Variants in TMEM245 observed in about 807,000 individuals in gnomAD.
The protein encoded by TMEM245 is protein CG-2.
Under a neutral mutation model 101.2 loss-of-function variants are expected in TMEM245, and 69 were observed. The observed-to-expected ratio is 0.68, with a 90% CI of 0.56 to 0.83. The LOEUF is 0.83. Ranked by LOEUF, TMEM245 falls within the 40% of genes least tolerant of loss-of-function variation. The pLI is 0.00. For synonymous variants in TMEM245, 537 were observed against 449.8 expected (o/e 1.19, Z -2.45); for missense variants, 1,075 against 1,092.8 (o/e 0.98, Z 0.23).
intron 3 of TMEM245, among the ~76,000 whole-genome samples, chr9:109,103,812 G>A (rs572433009): frequency 6.6e-5 from 10 of 152,284 alleles, no homozygotes; most frequent in African/African-American, 1.7e-4. Flanking sequence ...TGGACAGGGC[G>A]TGGTGGCTCA....
chr9:109,085,948 G>A, intron 7 of TMEM245, 49 bp downstream of exon 7: 1 of 1,591,328 alleles, frequency 6.3e-7, no homozygotes, highest in South Asian at 1.1e-5. Context: ...GCGATACAGG[G>A]GCATTACGGA....
intron 1 of TMEM245, among the ~76,000 whole-genome samples, chr9:109,110,394 G>A (rs1830537589): frequency 6.6e-6 from 1 of 152,116 alleles, no homozygotes; most frequent in South Asian, 2.1e-4. Flanking sequence ...CAAGGCCACA[G>A]CCAATAAATG....
At chr9:109,048,196 T>C (rs769528523) in intron 14 of TMEM245, among the ~76,000 whole-genome samples, 15 of 152,164 alleles carry the variant, frequency 9.9e-5, no homozygotes, top group Admixed American at 2.6e-4. Flanking sequence ...GCATTTTTTT[T>C]AATCCCACTT....
chr9:109,119,392 C>T lies in TMEM245; in HGVS notation c.522G>A (p.Leu174=). ...AGATGAGCGTGGCAGCGTGCACCAG[C>T]AGCACCTGCACGCCCAAGTAGCTGC... ...CLGSYLGVQV[L]LVHAATLICR... Residue 174 remains leucine, a synonymous_variant, in exon 1 of 18, where the codon CTG becomes CTA. Coordinates refer to ENST00000374586, the MANE Select transcript of TMEM245 (RefSeq NM_032012.4). 6.5e-7 allele frequency: 1 copy of T among 1,528,902 alleles called. No homozygotes were observed. The highest frequency in any genetic ancestry group is 2.2e-4 in the Middle Eastern group (1 of 4,596). The allele number at this position is 1,528,902 out of a possible 1,614,324, so 94.7% of individuals were successfully genotyped here.
chr9:109,114,555 T>TCA, intron 1 of TMEM245, among the ~76,000 whole-genome samples: 1 of 152,316 alleles, frequency 6.6e-6, no homozygotes, highest in Middle Eastern at 3.4e-3. Context: ...GTTTAGAACT[T>TCA]CAGGTGTTTT....
At position 109,091,083 on chromosome 9, in the gene TMEM245, G is replaced by C; in HGVS notation, c.989C>G (p.Ser330Cys). Reference protein sequence around the residue: ...SPSPSSPSPTSPSPTLGRRRP... With the variant: ...SPSPSSPSPTCPSPTLGRRRP... ...TCGTCTGCCCAGAGTAGGTGAAGGG[G>C]AAGTGGGTGAAGGGGAGGAGGGTGA... The change falls in exon 5 of 18, where the codon TCC (serine) becomes TGC (cysteine). Residue 330 changes from serine to cysteine, a missense_variant. Transcript: ENST00000374586. 6.2e-7 allele frequency: 1 copy of C among 1,614,134 alleles called. No individual in the cohort carries two copies. Among genetic ancestry groups the C allele is most frequent in the Non-Finnish European group, 8.5e-7 (1 of 1,179,996 alleles).
At chr9:109,096,658 AG>A (rs1830149369) in intron 3 of TMEM245, among the ~76,000 whole-genome samples, 1 of 152,272 alleles carries the variant, frequency 6.6e-6, no homozygotes, top group Non-Finnish European at 1.5e-5. Context: ...ACAGTACAGT[AG>A]AAAAAGGAAA....
Position 109,074,763 on chromosome 9 carries a change from A to G in TMEM245, c.1450-1325T>C, listed in dbSNP as rs112088183. ...CAGAACAGAGTCTAGATACCCTAAC[A>G]AAGATACATAGCCACCTAAGCCATC... On this transcript the variant is annotated intron_variant, in intron 8 of 17. Coordinates refer to ENST00000374586, the MANE Select transcript of TMEM245 (RefSeq NM_032012.4). 9.5e-4 allele frequency among the ~76,000 whole-genome samples: 144 copies of G among 152,310 alleles called. 1 individual carries two copies. The highest frequency in any genetic ancestry group is 3.2e-3 in the African/African-American group (134 of 41,560).
chr9:109,025,443 C>A (rs1453364429), intron 17 of TMEM245, among the ~76,000 whole-genome samples: 1 of 152,114 alleles, frequency 6.6e-6, no homozygotes, highest in Non-Finnish European at 1.5e-5. Context: ...AAAGCGTGTA[C>A]AAAAACAGCC....
At chr9:109,093,285 C>A (rs143260529) in intron 4 of TMEM245, among the ~76,000 whole-genome samples, 190 bp downstream of exon 4, 1,751 of 151,850 alleles carry the variant, frequency 0.012, 14 homozygotes, top group South Asian at 0.031. Flanking sequence ...TACATAATTA[C>A]ATGTATTTAA....
At chr9:109,046,170 G>A (rs1828483473) in intron 14 of TMEM245, 1 of 521,726 alleles carries the variant, frequency 1.9e-6, no homozygotes, top group East Asian at 5.5e-5. Flanking sequence ...CCACCCACTG[G>A]CACTGAAAAG....
At chr9:109,052,170 A>G (rs957461071) in intron 12 of TMEM245, among the ~76,000 whole-genome samples, 20 of 152,254 alleles carry the variant, frequency 1.3e-4, no homozygotes, top group African/African-American at 3.9e-4. Flanking sequence ...TAAGTGGACT[A>G]TCCTTCCTCT....
intron 10 of TMEM245, among the ~76,000 whole-genome samples, chr9:109,064,039 T>C (rs1450934233): frequency 6.6e-6 from 1 of 152,138 alleles, no homozygotes; most frequent in Non-Finnish European, 1.5e-5. Flanking sequence ...TGTTTCCTCA[T>C]CTGCAAAGCA....
rs565307531 is a variant in TMEM245 at position 109,026,713 on chromosome 9, C to G, written c.2595-6208G>C. Among the ~76,000 whole-genome samples, 18 of 151,160 alleles carry G rather than the reference C, an allele frequency of 1.2e-4. No homozygotes were observed. The East Asian group carries it at 3.3e-3, about 28-fold the overall frequency. Reference sequence around the variant, plus strand: ...CAAATCTTATGTTAAAATGTGATCCCTAATGTTGAAGGTGAGGCCTAGTGG... The same window carrying G: ...CAAATCTTATGTTAAAATGTGATCCGTAATGTTGAAGGTGAGGCCTAGTGG... On this transcript the variant is annotated intron_variant, in intron 17 of 17. Coordinates refer to ENST00000374586, the MANE Select transcript of TMEM245 (RefSeq NM_032012.4).
At chr9:109,077,585 T>C (rs1336468116) in intron 8 of TMEM245, among the ~76,000 whole-genome samples, 1 of 152,244 alleles carries the variant, frequency 6.6e-6, no homozygotes, top group Non-Finnish European at 1.5e-5. Flanking sequence ...TTGGATTTCA[T>C]GTATTTTAGA....
chr9:109,114,099 A>G (rs917262211), intron 1 of TMEM245, among the ~76,000 whole-genome samples: 2 of 152,022 alleles, frequency 1.3e-5, no homozygotes, highest in African/African-American at 4.8e-5. Context: ...AAACAAAAAC[A>G]CCACAACTAC....
At chr9:109,040,261 A>G (rs1315510240) in intron 14 of TMEM245, among the ~76,000 whole-genome samples, 3 of 152,196 alleles carry the variant, frequency 2.0e-5, no homozygotes, top group African/African-American at 7.2e-5. Flanking sequence ...GCAGAGAAAA[A>G]TCCTCTTACA....
intron 17 of TMEM245, among the ~76,000 whole-genome samples, chr9:109,024,420 T>C (rs1176456517): frequency 2.0e-5 from 3 of 152,236 alleles, no homozygotes. Flanking sequence ...GCACTTACTA[T>C]GCGCCAAGCA....
intron 11 of TMEM245, among the ~76,000 whole-genome samples, chr9:109,059,854 C>G (rs1202462178): frequency 1.3e-5 from 2 of 151,486 alleles, no homozygotes; most frequent in African/African-American, 4.9e-5. Context: ...ATGGCTAGCT[C>G]AAAAACTGAG....
Sources: gnomAD v4.1 joint callset for allele counts (sites outside exome capture counted in the v4.1 genomes callset) on GRCh38, gnomAD v4.1.1 for gene constraint, MANE v1.5 for transcripts, NCBI Gene and HGNC (gene_info 2026-07-23, HGNC 2026-07-21) for gene names.